TTC1: variants seen among roughly 807,000 people sequenced by gnomAD.
TTC1 encodes tetratricopeptide repeat protein 1.
TTC1 carries 31 observed loss-of-function variants against 37.6 expected under a neutral mutation model. The observed-to-expected ratio is 0.82, with a 90% CI of 0.62 to 1.11. TTC1 has a LOEUF of 1.11. TTC1 is among the 50% of genes most tolerant of loss of function. The pLI is 0.00. For synonymous variants in TTC1, 127 were observed against 122.4 expected (o/e 1.04, Z -0.25); for missense variants, 351 against 339.0 (o/e 1.04, Z -0.28).
chr5:160,034,348 T>C (rs1400032495), intron 2 of TTC1, among the ~76,000 whole-genome samples: 1 of 152,222 alleles, frequency 6.6e-6, no homozygotes, highest in African/African-American at 2.4e-5. Flanking sequence ...CCTTTGTGTT[T>C]GATGAGTTTT....
rs541012506 is a variant in TTC1, at chr5:160,038,659, CTTTTTTTTTTT to C, written c.504+1867_504+1877del. ...TTTTCTGTTCTTTTAAGTTGCGTTT[CTTTTTTTTTTT>C]TTTTTTTTTTGAGACGGAGTCTCAC... On this transcript the variant is annotated intron_variant, in intron 4 of 7. Coordinates refer to ENST00000231238, the MANE Select transcript of TTC1 (RefSeq NM_003314.3). 4.2e-5 allele frequency among the ~76,000 whole-genome samples: 5 copies of C among 120,188 alleles called. No homozygotes were observed. In the Admixed American group the frequency reaches 4.6e-4, roughly 11 times the overall value. 78.8% of individuals were successfully genotyped at this position (120,188 alleles called of 152,430 possible). A position where few individuals can be genotyped will look rare whatever the true frequency, so the allele number is the denominator to read the frequency against.
intron 7 of TTC1, 79 bp downstream of exon 7, chr5:160,051,262 C>A: frequency 2.5e-6 from 3 of 1,181,050 alleles, no homozygotes; most frequent in Admixed American, 2.1e-5. Flanking sequence ...TAGAGGAGAA[C>A]ACATGAGTTA....
intron 7 of TTC1, chr5:160,062,128 C>T (rs1170769670): frequency 6.6e-6 from 1 of 152,238 alleles, no homozygotes; most frequent in Non-Finnish European, 1.5e-5. Context: ...ATGACTGCCA[C>T]ACCATAGAAT....
At chr5:160,028,632 C>T (rs1450939493) in intron 2 of TTC1, among the ~76,000 whole-genome samples, 2 of 152,152 alleles carry the variant, frequency 1.3e-5, no homozygotes, top group Non-Finnish European at 2.9e-5. Context: ...CACCACCACA[C>T]ATGGCTAATT....
At chr5:160,028,224 G>A (rs1361924553) in intron 2 of TTC1, among the ~76,000 whole-genome samples, 5 of 151,386 alleles carry the variant, frequency 3.3e-5, no homozygotes, top group Middle Eastern at 3.4e-3. Flanking sequence ...GCGTGAACCC[G>A]GGAGGCGGAG....
At chr5:160,019,937 T>G (rs1369383357) in intron 2 of TTC1, among the ~76,000 whole-genome samples, 1 of 152,122 alleles carries the variant, frequency 6.6e-6, no homozygotes, top group African/African-American at 2.4e-5. Flanking sequence ...GTTTTCTGTT[T>G]GTTTATTTTG....
At chr5:160,039,350 G>A (rs1395470264) in intron 4 of TTC1, 1 of 143,160 alleles carries the variant, frequency 7.0e-6, no homozygotes, top group Admixed American at 7.1e-5. Flanking sequence ...AGTTAGATTT[G>A]TTTGTCCTTA....
intron 4 of TTC1, 40 bp downstream of exon 4, chr5:160,036,843 A>G: frequency 7.0e-7 from 1 of 1,425,236 alleles, no homozygotes. Context: ...AAGCACATGG[A>G]CTTGCAGTCT....
At chr5:160,053,578 A>G (rs982711052) in intron 7 of TTC1, among the ~76,000 whole-genome samples, 2 of 152,150 alleles carry the variant, frequency 1.3e-5, no homozygotes, top group Non-Finnish European at 2.9e-5. Flanking sequence ...AAAAAAGAAA[A>G]TTATAAAATC....
At chr5:160,036,625 C>T in intron 3 of TTC1, 66 bp from the exon 4 acceptor site, 1 of 1,097,992 alleles carries the variant, frequency 9.1e-7, no homozygotes, top group Admixed American at 1.7e-5. Context: ...CTTCTGAGAT[C>T]CTGTGGAATA....
intron 2 of TTC1, among the ~76,000 whole-genome samples, chr5:160,019,580 C>CTTTTT (rs201420281): frequency 2.3e-3 from 255 of 108,662 alleles, no homozygotes; most frequent in African/African-American, 2.7e-3. Context: ...TTCTTTCATT[C>CTTTTT]TTTTTTTTTT....
chr5:160,021,910 T>C (rs943798102), intron 2 of TTC1, among the ~76,000 whole-genome samples: 10 of 152,200 alleles, frequency 6.6e-5, no homozygotes, highest in Non-Finnish European at 1.5e-5. Context: ...CTCTTTACGC[T>C]CTCTTTTACT....
intron 4 of TTC1, among the ~76,000 whole-genome samples, chr5:160,042,568 A>G (rs1484884250): frequency 1.3e-5 from 2 of 152,196 alleles, no homozygotes; most frequent in African/African-American, 4.8e-5. Flanking sequence ...TCTTTCCGCT[A>G]TGTCATGCTT....
intron 7 of TTC1, among the ~76,000 whole-genome samples, chr5:160,053,238 A>T (rs982543225): frequency 1.3e-5 from 2 of 152,200 alleles, no homozygotes; most frequent in Non-Finnish European, 2.9e-5. Flanking sequence ...CATCATCTTT[A>T]TGCTAGTTCC....
At chr5:160,045,550 TCTCC>T (rs1479440494) in intron 5 of TTC1, among the ~76,000 whole-genome samples, 24 of 119,120 alleles carry the variant, frequency 2.0e-4, no homozygotes, top group African/African-American at 7.8e-4. Context: ...TCTCTCTCTC[TCTCC>T]CCCTCCCCTC....
chr5:160,049,630 C>A lies in TTC1; in HGVS notation c.658C>A (p.Pro220Thr). ...EDYKSILEKD[P>T]SIHQAREACM... ...CTATAAATCTATATTAGAAAAAGAT[C>A]CATCAATACATCAAGCAAGAGAAGC... Residue 220 changes from proline to threonine, a missense_variant, in exon 6 of 8, where the codon CCA becomes ACA. By Grantham distance (38) the Pro-to-Thr change is conservative. Transcript: ENST00000231238. 3.1e-6 allele frequency: 5 copies of A among 1,594,156 alleles called. No homozygotes were observed. The highest frequency in any genetic ancestry group is 4.3e-6 in the Non-Finnish European group (5 of 1,174,264).
At chr5:160,014,581 G>A (rs1319745391) in intron 2 of TTC1, among the ~76,000 whole-genome samples, 1 of 151,766 alleles carries the variant, frequency 6.6e-6, no homozygotes, top group Non-Finnish European at 1.5e-5. Context: ...GCACAAGCCT[G>A]TAGCCCCACC....
chr5:160,011,215 C>T (rs1485403811), intron 2 of TTC1, among the ~76,000 whole-genome samples: 1 of 152,070 alleles, frequency 6.6e-6, no homozygotes, highest in Non-Finnish European at 1.5e-5. Flanking sequence ...CTGTAATGAA[C>T]ATTTTTATGT....
chr5:160,052,153 C>G (rs1162903419), intron 7 of TTC1, among the ~76,000 whole-genome samples: 1 of 151,652 alleles, frequency 6.6e-6, no homozygotes, highest in East Asian at 1.9e-4. Flanking sequence ...GCTCTGGAGC[C>G]TTCCCCAGAT....
Sources: allele counts gnomAD v4.1 joint callset (sites outside exome capture counted in the v4.1 genomes callset), GRCh38; gene constraint gnomAD v4.1.1; transcripts MANE v1.5; gene names NCBI Gene and HGNC (gene_info 2026-07-23, HGNC 2026-07-21).